Variants in HPS4 observed in about 807,000 individuals in gnomAD.
HPS4 encodes the protein HPS4 biogenesis of lysosomal organelles complex 3 subunit 2, also known as BLOC-3 complex member HPS4.
In HPS4, 44 loss-of-function variants were observed where a neutral mutation model predicts 70.3. The ratio of observed to expected loss-of-function variants is 0.63; its 90% CI spans 0.49 to 0.80. The LOEUF (loss-of-function observed/expected upper bound fraction) is 0.80, where lower values mean the gene tolerates loss of function less well. HPS4 is among the 30% of genes least tolerant of loss of function. The pLI is 0.00. For missense variants in HPS4, 873 were observed against 884.4 expected (o/e 0.99, Z 0.16); for synonymous variants, 377 against 355.9 (o/e 1.06, Z -0.67).
intron 1 of HPS4, chr22:26,482,675 C>T (rs1343350200): frequency 2.6e-5 from 4 of 152,172 alleles, no homozygotes; most frequent in South Asian, 2.1e-4. Context: ...CAGTGTATCA[C>T]GGAATTTCAG....
chr22:26,479,829 A>C (rs772695861), intron 2 of HPS4: 3 of 344,826 alleles, frequency 8.7e-6, no homozygotes, highest in Non-Finnish European at 1.2e-5. Flanking sequence ...GAGGGCCCAC[A>C]GTGTGCTCCG....
At chr22:26,471,989 G>A (rs1006614115) in intron 6 of HPS4, among the ~76,000 whole-genome samples, 1 of 152,160 alleles carries the variant, frequency 6.6e-6, no homozygotes, top group Non-Finnish European at 1.5e-5. Context: ...CAAGAGAGGC[G>A]GCCTTCAGAT....
intron 13 of HPS4, among the ~76,000 whole-genome samples, chr22:26,455,283 G>A (rs940510919): frequency 5.3e-5 from 8 of 151,416 alleles, no homozygotes; most frequent in Admixed American, 2.0e-4. Context: ...ACATGCACAC[G>A]TATGTTTATA....
chr22:26,454,219 G>A (rs1475267355), intron 13 of HPS4, among the ~76,000 whole-genome samples: 2 of 152,206 alleles, frequency 1.3e-5, no homozygotes, highest in Non-Finnish European at 2.9e-5. Context: ...AAGCTTCAGT[G>A]TCTCCTGCAC....
chr22:26,466,291 G>T, intron 8 of HPS4, 29 bp from the exon 9 acceptor site: 1 of 1,613,128 alleles, frequency 6.2e-7, no homozygotes, highest in South Asian at 1.1e-5. Flanking sequence ...AGAAGTTGGC[G>T]CTGGGCACCA....
In HPS4 at chr22:26,464,269, G is replaced by C. The variant is rs957749322; in HGVS notation, c.1361C>G (p.Pro454Arg). The C allele has an allele frequency of 1.2e-6, 2 of 1,614,148 alleles. No individual in the cohort carries two copies. The highest frequency in any genetic ancestry group is 1.7e-6 in the Non-Finnish European group (2 of 1,180,036). ...GGGGAGAGGGTCTGCTCTGGGAATG[G>C]GGGCTTGGCTGCTATGGCCAGGATG... is the stretch of plus-strand genomic sequence containing the variant. The part of the protein sequence containing the change: ...EDHPGHSSQA[P>R]IPRADPLPRR... Residue 454 changes from proline to arginine, a missense_variant, in exon 11 of 14, where the codon CCC (proline) becomes CGC (arginine). Physicochemically the swap from Pro to Arg is moderately radical, Grantham distance 103. Coordinates refer to ENST00000398145, the MANE Select transcript of HPS4 (RefSeq NM_022081.6).
chr22:26,460,404 C>A (rs552022192), intron 11 of HPS4, among the ~76,000 whole-genome samples: 1 of 152,210 alleles, frequency 6.6e-6, no homozygotes, highest in African/African-American at 2.4e-5. Context: ...GACACGCACA[C>A]GGGCACACAT....
chr22:26,463,879 G>A (rs1351424832), intron 11 of HPS4, 38 bp downstream of exon 11: 2 of 1,602,678 alleles, frequency 1.2e-6, no homozygotes, highest in East Asian at 2.2e-5. Context: ...GATCGGCAGA[G>A]GCCGCAGAGG....
At chr22:26,460,373 ATGTG>A (rs928298369) in intron 11 of HPS4, among the ~76,000 whole-genome samples, 1 of 152,202 alleles carries the variant, frequency 6.6e-6, no homozygotes, top group Non-Finnish European at 1.5e-5. Context: ...ATTTGAACAG[ATGTG>A]TGTGTGTGCA....
At chr22:26,456,639 G>A (rs562469711) in intron 13 of HPS4, among the ~76,000 whole-genome samples, 2 of 152,296 alleles carry the variant, frequency 1.3e-5, no homozygotes, top group Admixed American at 6.5e-5. Context: ...AGCCTGGCGA[G>A]AGTGAGACTC....
rs886057317 is a variant in HPS4 at position 26,464,753 on chromosome 22, G to C, written c.877C>G (p.Leu293Val). 10 of 1,588,106 alleles carry C rather than the reference G, an allele frequency of 6.3e-6. No individual in the cohort carries two copies. Among genetic ancestry groups the C allele is most frequent in the Middle Eastern group, 1.7e-4 (1 of 5,932 alleles). ...ACATGGCCAGTGGCGTTTTCTTTCA[G>C]GGCAGATGTGCTCCCACCCTTTGGA... ...HHPKGGSTSA[L>V]KENATGHVES... Residue 293 changes from leucine to valine, a missense_variant, in exon 11 of 14, where the codon CTG (leucine) becomes GTG (valine). Physicochemically the swap from Leu to Val is conservative, Grantham distance 32. Coordinates refer to ENST00000398145, the MANE Select transcript of HPS4 (RefSeq NM_022081.6).
chr22:26,483,308 CAAT>C (rs1329206389), intron 1 of HPS4, among the ~76,000 whole-genome samples: 1 of 152,160 alleles, frequency 6.6e-6, no homozygotes, highest in African/African-American at 2.4e-5. Flanking sequence ...CAGAAGAGAC[CAAT>C]AATGGCCCTG....
At chr22:26,448,113 A>G (rs577586588), downstream of HPS4, among the ~76,000 whole-genome samples, 4 of 152,316 alleles carry the variant, frequency 2.6e-5, no homozygotes, top group South Asian at 8.3e-4. Context: ...CATCTTCTGA[A>G]GTCTGGACAC....
At chr22:26,469,097 A>G (rs1233140009) in intron 7 of HPS4, among the ~76,000 whole-genome samples, 2 of 152,094 alleles carry the variant, frequency 1.3e-5, no homozygotes, top group African/African-American at 4.8e-5. Flanking sequence ...CAGTGGGGAC[A>G]AACACACAGA....
chr22:26,480,261 T>A (rs976009936), intron 2 of HPS4, among the ~76,000 whole-genome samples: 1 of 152,130 alleles, frequency 6.6e-6, no homozygotes, highest in African/African-American at 2.4e-5. Flanking sequence ...AAACTCAATC[T>A]CCCAGGCTCA....
At chr22:26,468,769 G>A (rs2089224250) in intron 7 of HPS4, 146 bp from the exon 8 acceptor site, 1 of 718,844 alleles carries the variant, frequency 1.4e-6, no homozygotes, top group Admixed American at 2.1e-5. Context: ...CCTTACAGAG[G>A]GCACTCTGGC....
At chr22:26,463,224 C>A (rs539337265) in intron 11 of HPS4, among the ~76,000 whole-genome samples, 1 of 152,302 alleles carries the variant, frequency 6.6e-6, no homozygotes, top group Non-Finnish European at 1.5e-5. Flanking sequence ...GGGGAAGGGG[C>A]TGCAATAGTT....
chr22:26,453,628 C>T (rs1211374172), intron 13 of HPS4: 17 of 584,588 alleles, frequency 2.9e-5, no homozygotes, highest in Middle Eastern at 9.3e-4. Flanking sequence ...GAGTCCGTGG[C>T]GGGACCATCC....
downstream of HPS4, chr22:26,443,118 G>A (rs138986249): frequency 1.2e-5 from 19 of 1,614,040 alleles, no homozygotes; most frequent in Admixed American, 1.7e-5. Context: ...GATGGCCCAC[G>A]GGTGGTTTTC....
Sources: gnomAD v4.1 joint callset for allele counts (sites outside exome capture counted in the v4.1 genomes callset) on GRCh38, gnomAD v4.1.1 for gene constraint, MANE v1.5 for transcripts, NCBI Gene and HGNC (gene_info 2026-07-23, HGNC 2026-07-21) for gene names.